Variants in AK9 observed in about 807,000 individuals in gnomAD.
The protein encoded by AK9 is adenylate kinase domain containing 1.
AK9 carries 191 observed loss-of-function variants against 239.6 expected under a neutral mutation model. The observed-to-expected ratio is 0.80, with a 90% CI of 0.71 to 0.90. The LOEUF (loss-of-function observed/expected upper bound fraction) is 0.90, where lower values mean the gene tolerates loss of function less well. Ranked by LOEUF, AK9 falls within the 40% of genes least tolerant of loss-of-function variation. The pLI is 0.00. For synonymous variants in AK9, 689 were observed against 721.0 expected (o/e 0.96, Z 0.71); for missense variants, 1,995 against 2,214.7 (o/e 0.90, Z 1.99).
intron 26 of AK9, 108 bp from the exon 27 acceptor site, chr6:109,542,279 G>A: frequency 1.8e-6 from 2 of 1,099,088 alleles, no homozygotes; most frequent in South Asian, 3.4e-5. Flanking sequence ...TGGAGGTGGA[G>A]AGTAGAATGA....
At chr6:109,594,178 C>T (rs1790686332) in intron 17 of AK9, among the ~76,000 whole-genome samples, 1 of 152,146 alleles carries the variant, frequency 6.6e-6, no homozygotes. Context: ...TCTCAGTATA[C>T]AAAATCAGTG....
chr6:109,494,336 T>C, intron 39 of AK9: 1 of 395,538 alleles, frequency 2.5e-6, no homozygotes, highest in Non-Finnish European at 4.6e-6. Flanking sequence ...TGGATAGGAG[T>C]ATGGGCTTCA....
intron 21 of AK9, among the ~76,000 whole-genome samples, chr6:109,572,893 A>G (rs1256558512): frequency 6.6e-6 from 1 of 151,762 alleles, no homozygotes; most frequent in African/African-American, 2.4e-5. Flanking sequence ...TTGCCTATAG[A>G]CTCCTTCTTG....
chr6:109,515,856 C>A lies in AK9; in HGVS notation c.4065+1G>T. The A allele has an allele frequency of 6.5e-7, 1 of 1,548,374 alleles. No homozygotes were observed. The highest frequency in any genetic ancestry group is 8.7e-7 in the Non-Finnish European group (1 of 1,144,588). On this transcript the variant is annotated splice_donor_variant, in intron 31 of 40. Coordinates refer to ENST00000424296, the MANE Select transcript of AK9 (RefSeq NM_001145128.3). LOFTEE classifies it high-confidence loss of function. ...CTTTCAGGTGCGTTTGCTGAAATTACCTTTACAGGGTCCCAATAGCCGAAT... is the reference window on the plus strand; with the variant it reads ...CTTTCAGGTGCGTTTGCTGAAATTAACTTTACAGGGTCCCAATAGCCGAAT...
intron 27 of AK9, among the ~76,000 whole-genome samples, chr6:109,536,217 T>C (rs1292134257): frequency 1.3e-5 from 2 of 152,214 alleles, no homozygotes; most frequent in African/African-American, 4.8e-5. Flanking sequence ...ATTTTCATGA[T>C]ATTGATTCTT....
intron 17 of AK9, among the ~76,000 whole-genome samples, chr6:109,603,871 C>T (rs1792455429): frequency 6.6e-6 from 1 of 152,202 alleles, no homozygotes; most frequent in South Asian, 2.1e-4. Flanking sequence ...CCCTCCGAGC[C>T]AGGCGCAGGA....
intron 27 of AK9, 150 bp downstream of exon 27, chr6:109,541,897 G>GT: frequency 1.5e-6 from 1 of 660,892 alleles, no homozygotes; most frequent in South Asian, 2.7e-5. Flanking sequence ...CTCTACAGAT[G>GT]TTTTTAATGT....
intron 7 of AK9, among the ~76,000 whole-genome samples, chr6:109,657,128 G>A (rs1326576229): frequency 6.6e-6 from 1 of 152,098 alleles, no homozygotes; most frequent in African/African-American, 2.4e-5. Flanking sequence ...CAATAAGTAG[G>A]GACGAGTAGG....
At chr6:109,687,678 C>T (rs1259332753) in intron 1 of AK9, among the ~76,000 whole-genome samples, 2 of 152,178 alleles carry the variant, frequency 1.3e-5, no homozygotes, top group Non-Finnish European at 2.9e-5. Context: ...CTAGTCAAGT[C>T]TCCAGATGGA....
intron 6 of AK9, 62 bp from the exon 7 acceptor site, chr6:109,659,475 A>T: frequency 2.6e-6 from 4 of 1,541,684 alleles, no homozygotes; most frequent in Non-Finnish European, 3.5e-6. Context: ...TTCCCTGTGT[A>T]TTTATTGAAT....
intron 29 of AK9, among the ~76,000 whole-genome samples, chr6:109,525,068 C>A (rs1442532766): frequency 6.6e-6 from 1 of 152,182 alleles, no homozygotes; most frequent in African/African-American, 2.4e-5. Context: ...GGTCCAGGTT[C>A]ATTCTTCTGC....
At chr6:109,689,133 C>T (rs1347550183) in intron 1 of AK9, among the ~76,000 whole-genome samples, 1 of 152,136 alleles carries the variant, frequency 6.6e-6, no homozygotes, top group Non-Finnish European at 1.5e-5. Flanking sequence ...AGGAGATGAT[C>T]AATTAGAGAC....
At chr6:109,516,201 C>T in intron 30 of AK9, 126 bp from the exon 31 acceptor site, 1 of 977,064 alleles carries the variant, frequency 1.0e-6, no homozygotes, top group Non-Finnish European at 1.5e-6. Context: ...TTTTCAGCTT[C>T]CAAGTGGCTG....
At chr6:109,554,525 C>CTTTTTTTTTTTTTTTTT in intron 24 of AK9, among the ~76,000 whole-genome samples, 1 of 77,464 alleles carries the variant, frequency 1.3e-5, no homozygotes, top group Non-Finnish European at 2.5e-5. Flanking sequence ...TATTTCTTTT[C>CTTTTTTTTTTTTTTTTT]TTTTTTTTTT....
intron 17 of AK9, among the ~76,000 whole-genome samples, chr6:109,599,850 G>A (rs1334228130): frequency 6.6e-6 from 1 of 152,124 alleles, no homozygotes; most frequent in African/African-American, 2.4e-5. Flanking sequence ...GTGAATGGGA[G>A]TTCACTCATG....
intron 32 of AK9, among the ~76,000 whole-genome samples, chr6:109,509,886 T>C (rs1188124895): frequency 2.0e-5 from 3 of 152,014 alleles, no homozygotes; most frequent in African/African-American, 7.2e-5. Flanking sequence ...CATCTCTGCA[T>C]CTCTGCAGCC....
At chr6:109,611,225 G>A (rs1444775563) in intron 16 of AK9, among the ~76,000 whole-genome samples, 1 of 152,128 alleles carries the variant, frequency 6.6e-6, no homozygotes, top group Non-Finnish European at 1.5e-5. Flanking sequence ...ATCCCAAAGG[G>A]TCTTCAAAAG....
chr6:109,601,171 G>C (rs894340077), intron 17 of AK9, among the ~76,000 whole-genome samples: 2 of 151,966 alleles, frequency 1.3e-5, no homozygotes, highest in Non-Finnish European at 2.9e-5. Context: ...GTGATGTTAG[G>C]GTGTCAATTT....
At chr6:109,603,144 C>T (rs1480123728) in intron 17 of AK9, among the ~76,000 whole-genome samples, 4 of 152,204 alleles carry the variant, frequency 2.6e-5, no homozygotes, top group Non-Finnish European at 5.9e-5. Flanking sequence ...GGGGGAGAGG[C>T]ACTCTGATTT....
Sources: gnomAD v4.1 joint callset for allele counts (sites outside exome capture counted in the v4.1 genomes callset) on GRCh38, gnomAD v4.1.1 for gene constraint, MANE v1.5 for transcripts, NCBI Gene and HGNC (gene_info 2026-07-23, HGNC 2026-07-21) for gene names.